Variants in MYO15B observed in about 807,000 individuals in gnomAD.
MYO15B encodes the protein myosin XVB pseudogene.
MYO15B carries 207 observed loss-of-function variants against 119.3 expected under a neutral mutation model. The observed-to-expected ratio is 1.73, with a 90% CI of 1.55 to 1.95. The LOEUF is 1.95. Ranked by LOEUF, MYO15B falls within the 30% of genes most tolerant of loss-of-function variation. The pLI, the probability that MYO15B is intolerant of heterozygous loss-of-function variation, is 0.00. For missense variants in MYO15B, 2,264 were observed against 1,203.1 expected, an observed-to-expected ratio of 1.88 and a Z score of -13.04; for synonymous variants, 966 against 498.9, an observed-to-expected ratio of 1.94 and a Z score of -12.48.
chr17:75,602,978 G>A (rs2057380908), intron 17 of MYO15B, 33 bp downstream of exon 17: 2 of 701,046 alleles, frequency 2.9e-6, no homozygotes, highest in Middle Eastern at 2.3e-4. Context: ...CAGACCCCAG[G>A]GAGTTGTATG....
intron 53 of MYO15B, among the ~76,000 whole-genome samples, 160 bp downstream of exon 53, chr17:75,622,240 A>T (rs567107255): frequency 1.2e-4 from 18 of 150,494 alleles, no homozygotes; most frequent in Non-Finnish European, 2.2e-4. Context: ...CAACAGGCTA[A>T]GTCTCTGCAG....
At chr17:75,604,204 C>T (rs1041667898) in intron 19 of MYO15B, among the ~76,000 whole-genome samples, 16 of 152,264 alleles carry the variant, frequency 1.1e-4, no homozygotes, top group Non-Finnish European at 2.1e-4. Flanking sequence ...CAATTGTCAC[C>T]TCCAACAAGA....
At chr17:75,596,717 G>C in intron 13 of MYO15B, 51 bp from the exon 14 acceptor site, 1 of 681,112 alleles carries the variant, frequency 1.5e-6, no homozygotes. Flanking sequence ...TCTATAAGAT[G>C]GGAGGGTTAT....
At chr17:75,620,304 G>C in exon 48 of MYO15B, 3 of 703,036 alleles carry the variant, frequency 4.3e-6, no homozygotes, top group South Asian at 1.5e-5. Context: ...AGCCTCCTCA[G>C]CTTCCACCGT....
exon 17 of MYO15B, chr17:75,602,936 G>A (rs369964318): frequency 1.9e-4 from 129 of 691,520 alleles, no homozygotes; most frequent in African/African-American, 1.3e-3. Context: ...CTCATAGCCC[G>A]GCTGGGCAGG....
intron 21 of MYO15B, among the ~76,000 whole-genome samples, chr17:75,609,712 CT>C (rs2057893663): frequency 6.7e-6 from 1 of 149,416 alleles, no homozygotes; most frequent in African/African-American, 2.5e-5. Context: ...CCCTCCCTCC[CT>C]CCCTCCCTTC....
Position 75,611,676 on chromosome 17 carries a change from C to T in MYO15B, c.4504+18C>T, listed in dbSNP as rs1887094624. On this transcript the variant is annotated intron_variant, in intron 24 of 63. Transcript: ENST00000645453. ...GGCGGAAAGTGAGTCTTGTTGGTGT[C>T]CTCTTGTTAGGACTCCTTCTCCAGT... is the stretch of plus-strand genomic sequence containing the variant. The T allele has an allele frequency of 1.4e-6, 1 of 702,686 alleles. No individual in the cohort carries two copies. Among genetic ancestry groups the T allele is most frequent in the African/African-American group, 1.7e-5 (1 of 57,304 alleles). The allele number at this position is 702,686 out of a possible 1,614,324, so 43.5% of individuals were successfully genotyped here. A position where few individuals can be genotyped will look rare whatever the true frequency, so the allele number is the denominator to read the frequency against.
intron 36 of MYO15B, 77 bp from the exon 37 acceptor site, chr17:75,615,992 A>G (rs946224158): frequency 6.7e-6 from 4 of 593,458 alleles, no homozygotes; most frequent in Non-Finnish European, 1.2e-5. Flanking sequence ...CTGCTGGCCC[A>G]GGACTGGGGA....
intron 53 of MYO15B, among the ~76,000 whole-genome samples, chr17:75,622,956 GCAGA>G (rs1308775081): frequency 3.3e-5 from 5 of 152,200 alleles, no homozygotes; most frequent in Admixed American, 2.6e-4. Flanking sequence ...GGGGAGAAGG[GCAGA>G]CAGAGAGAGG....
Position 75,610,993 on chromosome 17 carries a change from G to A in MYO15B, c.4446+34G>A, listed in dbSNP as rs1364930089. 4.3e-6 allele frequency: 3 copies of A among 702,772 alleles called. No homozygotes were observed. The African/African-American group carries it at 5.2e-5, about 12-fold the overall frequency. 43.5% of individuals were successfully genotyped at this position (702,772 alleles called of 1,614,324 possible). ...CCTGGAAAGTGGGGGGTTTTACATGGGGCTATGAACCTGCTGAGACTGGGA... is the reference window on the plus strand; with the variant it reads ...CCTGGAAAGTGGGGGGTTTTACATGAGGCTATGAACCTGCTGAGACTGGGA... On this transcript the variant is annotated intron_variant, in intron 23 of 63. Transcript: ENST00000645453.
rs182533374 is a variant in MYO15B at position 75,594,542 on chromosome 17, G to A, written c.3059G>A (p.Arg1020Gln). The A allele has an allele frequency of 5.3e-4, 339 of 639,558 alleles. 4 individuals are homozygous for A. The highest frequency in any genetic ancestry group is 4.7e-3 in the African/African-American group (258 of 55,270). The allele number at this position is 639,558 out of a possible 1,614,324, so 39.6% of individuals were successfully genotyped here. A position where few individuals can be genotyped will look rare whatever the true frequency, so the allele number is the denominator to read the frequency against. The stretch of plus-strand genomic sequence containing the variant: ...ATCCACACAGCAGCCCGACTGCTGC[G>A]GGTACCACCAGAGTGCCTGGAGGGG... Residue 1020 changes from arginine to glutamine, a missense_variant, in exon 10 of 64, where the codon CGG (arginine) becomes CAG (glutamine). Transcript: ENST00000645453.
intron 19 of MYO15B, among the ~76,000 whole-genome samples, chr17:75,604,174 T>C (rs2057466205): frequency 1.3e-5 from 2 of 152,110 alleles, no homozygotes; most frequent in Admixed American, 6.6e-5. Context: ...CTCTGCCATC[T>C]GGAAACCTAC....
chr17:75,621,519 C>G lies in MYO15B; in HGVS notation c.7954C>G (p.Leu2652Val), dbSNP rs920630906. The G allele has an allele frequency of 1.1e-4, 76 of 702,340 alleles. No homozygotes were observed. The African/African-American group carries it at 1.2e-3, about 11-fold the overall frequency. 43.5% of individuals were successfully genotyped at this position (702,340 alleles called of 1,614,324 possible). The change falls in exon 52 of 64, where the codon CTC becomes GTC. Residue 2652 changes from leucine (L) to valine (V), a missense_variant. By Grantham distance (32) the Leu-to-Val change is conservative (BLOSUM62 1). Transcript: ENST00000645453. The stretch of plus-strand genomic sequence containing the variant: ...GCCACAGGCTCCCATCCAGGAGTCG[C>G]TCCTCAGCCTCAGTGATGATGTGAG...
At chr17:75,603,686 G>A (rs1427625211) in intron 19 of MYO15B, among the ~76,000 whole-genome samples, 2 of 151,588 alleles carry the variant, frequency 1.3e-5, no homozygotes, top group East Asian at 1.9e-4. Context: ...CAGGGGGGAC[G>A]GAGTGAGAAA....
rs190814545 is a variant in MYO15B at position 75,614,586 on chromosome 17, C to A, written c.5385C>A (p.Ala1795=). The A allele has an allele frequency of 5.6e-3, 3,943 of 700,736 alleles. 21 individuals are homozygous for A. The highest frequency in any genetic ancestry group is 8.3e-3 in the Non-Finnish European group (3,187 of 384,786). 43.4% of individuals were successfully genotyped at this position (700,736 alleles called of 1,614,324 possible). A position where few individuals can be genotyped will look rare whatever the true frequency, so the allele number is the denominator to read the frequency against. ...AGCTGGATCCCGTTTCCTGCAGAGC[C>A]GAGGCCATTCCCCTTGCCCCTGGCA... The change falls in exon 31 of 64, where the codon GCC becomes GCA. Residue 1795 remains alanine (A), a synonymous_variant. Transcript: ENST00000645453.
At chr17:75,619,926 A>C in exon 47 of MYO15B, 1 of 702,568 alleles carries the variant, frequency 1.4e-6, no homozygotes. Flanking sequence ...TCCACCCTGG[A>C]GCTGTCACTG....
chr17:75,594,744 G>A (rs1233946141), exon 11 of MYO15B: 1 of 702,968 alleles, frequency 1.4e-6, no homozygotes, highest in African/African-American at 1.7e-5. Flanking sequence ...CCCGTGGAAA[G>A]TGCCTTTGAT....
chr17:75,616,673 C>T (rs780611895), exon 39 of MYO15B: 57 of 702,806 alleles, frequency 8.1e-5, no homozygotes, highest in South Asian at 1.5e-5. Context: ...GACTGTGGTG[C>T]GCAGCTCAGA....
chr17:75,589,556 G>T lies in MYO15B; in HGVS notation c.1499G>T (p.Arg500Leu), dbSNP rs951117645. ...GGGCTGCGGCACCGTCTAGCGTTGC[G>T]CCTGGCTGGCTTAGCAGGGCTGGGG... is the stretch of plus-strand genomic sequence containing the variant. The change falls in exon 1 of 64, where the codon CGC becomes CTC. Residue 500 changes from arginine (R) to leucine (L), a missense_variant. Arg to Leu is a moderately radical substitution (Grantham distance 102, BLOSUM62 -2). Transcript: ENST00000645453. The surrounding 1 kb of genome is among the most constrained non-coding windows in gnomAD (Gnocchi z 4.2). 2.3e-5 allele frequency: 9 copies of T among 398,694 alleles called. No homozygotes were observed. Among genetic ancestry groups the T allele is most frequent in the Admixed American group, 4.4e-5 (1 of 22,724 alleles). The allele number at this position is 398,694 out of a possible 1,614,324, so 24.7% of individuals were successfully genotyped here.
Sources: allele counts gnomAD v4.1 joint callset (sites outside exome capture counted in the v4.1 genomes callset), GRCh38; gene constraint gnomAD v4.1.1; non-coding constraint Gnocchi (gnomAD v3.1); transcripts MANE v1.5; gene names NCBI Gene and HGNC (gene_info 2026-07-23, HGNC 2026-07-21).